LBH: variants seen among roughly 807,000 people sequenced by gnomAD.
LBH encodes LBH regulator of Wnt signaling pathway.
In LBH, 7 loss-of-function variants were observed where a neutral mutation model predicts 12.5. The ratio of observed to expected loss-of-function variants is 0.56; its 90% CI spans 0.32 to 1.05. The LOEUF (loss-of-function observed/expected upper bound fraction) is 1.05, where lower values mean the gene tolerates loss of function less well. Ranked by LOEUF, LBH falls within the 50% of genes least tolerant of loss-of-function variation. The probability of loss-of-function intolerance (pLI) is 0.04; values close to 1 mark genes in which losing one functional copy is unlikely to be tolerated. For missense variants in LBH, 119 were observed against 138.9 expected (o/e 0.86, Z 0.72); for synonymous variants, 51 against 50.1 (o/e 1.02, Z -0.08).
intron 2 of LBH, among the ~76,000 whole-genome samples, chr2:30,235,353 G>A (rs1219397622): frequency 2.6e-5 from 4 of 152,226 alleles, no homozygotes; most frequent in Non-Finnish European, 2.9e-5. Context: ...TGGAGCTAGG[G>A]AAGTTGTGTA....
chr2:30,253,253 C>T (rs963463627), intron 2 of LBH, among the ~76,000 whole-genome samples: 1 of 152,158 alleles, frequency 6.6e-6, no homozygotes, highest in Non-Finnish European at 1.5e-5. Context: ...TCCTTGGGGT[C>T]AGCCTCTGAA....
rs113721073 is a variant in LBH at position 30,257,790 on chromosome 2, C to CTTTT, written c.*179_*182dup. The stretch of plus-strand genomic sequence containing the variant: ...AGTTGGTTTTCTTTTCTTTTCTTGC[C>CTTTT]TTTTTTTTTTTTTGAAATTTGCCGA... On this transcript the variant is annotated 3_prime_UTR_variant, in exon 3 of 3. Coordinates refer to ENST00000395323, the MANE Select transcript of LBH (RefSeq NM_030915.4). The CTTTT allele has an allele frequency of 2.4e-3, 951 of 402,126 alleles. No individual in the cohort carries two copies. Among genetic ancestry groups the CTTTT allele is most frequent in the Middle Eastern group, 5.0e-3 (8 of 1,600 alleles). The allele number at this position is 402,126 out of a possible 1,614,324, so 24.9% of individuals were successfully genotyped here.
intron 2 of LBH, among the ~76,000 whole-genome samples, chr2:30,251,368 C>A (rs959492356): frequency 6.6e-6 from 1 of 152,128 alleles, no homozygotes; most frequent in Non-Finnish European, 1.5e-5. Flanking sequence ...ATCTTACAGA[C>A]CATCTCTTCC....
chr2:30,257,332 A>G (rs1356792896), intron 2 of LBH, 101 bp from the exon 3 acceptor site: 2 of 1,300,290 alleles, frequency 1.5e-6, no homozygotes, highest in Non-Finnish European at 2.2e-6. Context: ...TCCCTGGCCT[A>G]TGGCATGCAC....
intron 2 of LBH, among the ~76,000 whole-genome samples, chr2:30,243,044 A>AG (rs946033358): frequency 6.6e-6 from 1 of 152,260 alleles, no homozygotes; most frequent in Admixed American, 6.5e-5. Flanking sequence ...TAGAATCTCC[A>AG]GGGTAGAACA....
intron 2 of LBH, among the ~76,000 whole-genome samples, chr2:30,253,102 C>T (rs1039761025): frequency 6.6e-6 from 1 of 152,212 alleles, no homozygotes; most frequent in African/African-American, 2.4e-5. Context: ...CGCCTCAACC[C>T]CTACCTGTCA....
Position 30,257,807 on chromosome 2 carries a change from A to ATT in LBH, c.*188_*189dup, listed in dbSNP as rs1553335660. 2 of 404,520 alleles carry ATT rather than the reference A, an allele frequency of 4.9e-6. No individual in the cohort carries two copies. The highest frequency in any genetic ancestry group is 4.0e-5 in the African/African-American group (1 of 24,720). The allele number at this position is 404,520 out of a possible 1,614,324, so 25.1% of individuals were successfully genotyped here. Reference sequence around the variant, plus strand: ...TTTCTTGCCTTTTTTTTTTTTTGAAATTTGCCGAGCAGTGGAGCCCTCTGA... The same window carrying ATT: ...TTTCTTGCCTTTTTTTTTTTTTGAAATTTTTGCCGAGCAGTGGAGCCCTCTGA... On this transcript the variant is annotated 3_prime_UTR_variant, in exon 3 of 3. Coordinates refer to ENST00000395323, the MANE Select transcript of LBH (RefSeq NM_030915.4).
At chr2:30,239,656 TC>T (rs1313698029) in intron 2 of LBH, among the ~76,000 whole-genome samples, 4 of 150,428 alleles carry the variant, frequency 2.7e-5, no homozygotes, top group African/African-American at 7.3e-5. Flanking sequence ...CTATCCCTAC[TC>T]CCCCCACCCG....
chr2:30,251,200 A>C (rs897089213), intron 2 of LBH, among the ~76,000 whole-genome samples: 3 of 151,920 alleles, frequency 2.0e-5, no homozygotes, highest in Non-Finnish European at 2.9e-5. Flanking sequence ...GATTACAGGC[A>C]TGAGCCACCC....
chr2:30,246,225 TGGGATTATA>T (rs1386089093), intron 2 of LBH, among the ~76,000 whole-genome samples: 1 of 152,192 alleles, frequency 6.6e-6, no homozygotes, highest in Non-Finnish European at 1.5e-5. Flanking sequence ...CCTAAAGTGC[TGGGATTATA>T]GGCGTGAGCC....
intron 2 of LBH, among the ~76,000 whole-genome samples, chr2:30,255,357 A>G (rs11694534): frequency 0.22 from 32,962 of 152,016 alleles, 4,271 homozygotes; most frequent in Middle Eastern, 0.31. Context: ...TTCTGGGCCA[A>G]CCTGGTCAGG....
At chr2:30,256,350 T>G (rs1678084709) in intron 2 of LBH, among the ~76,000 whole-genome samples, 1 of 149,646 alleles carries the variant, frequency 6.7e-6, no homozygotes, top group Non-Finnish European at 1.5e-5. Context: ...CCAGGAACTG[T>G]TCACAGGTGA....
At chr2:30,234,154 A>T in intron 1 of LBH, 2 of 485,100 alleles carry the variant, frequency 4.1e-6, no homozygotes. Flanking sequence ...ACTAGAGTAC[A>T]GGAGAGGAGG....
At chr2:30,236,306 G>A (rs1677688510) in intron 2 of LBH, among the ~76,000 whole-genome samples, 1 of 152,184 alleles carries the variant, frequency 6.6e-6, no homozygotes, top group Non-Finnish European at 1.5e-5. Context: ...AGGAGCTGGG[G>A]GAGGAAGGCC....
chr2:30,235,691 A>T (rs1434671076), intron 2 of LBH, among the ~76,000 whole-genome samples: 7 of 40,702 alleles, frequency 1.7e-4, no homozygotes, highest in South Asian at 2.2e-3. Flanking sequence ...TTTGTAAATT[A>T]AAAAAAAAAA....
intron 2 of LBH, among the ~76,000 whole-genome samples, chr2:30,242,163 G>A (rs930897441): frequency 1.3e-5 from 2 of 151,990 alleles, no homozygotes; most frequent in African/African-American, 4.8e-5. Context: ...CATAGAGACT[G>A]TGGAATAGGA....
chr2:30,239,858 T>C (rs1263542499), intron 2 of LBH, among the ~76,000 whole-genome samples: 1 of 152,140 alleles, frequency 6.6e-6, no homozygotes, highest in Non-Finnish European at 1.5e-5. Flanking sequence ...GCACCTTCCC[T>C]CCTACACTAC....
In LBH at chr2:30,258,655, C is replaced by G. The variant is rs1678128307; in HGVS notation, c.*1034C>G. 2 of 152,522 alleles carry G rather than the reference C, an allele frequency of 1.3e-5. No individual in the cohort carries two copies. Among genetic ancestry groups the G allele is most frequent in the Admixed American group, 1.3e-4 (2 of 15,282 alleles). The allele number at this position is 152,522 out of a possible 1,614,324, so 9.4% of individuals were successfully genotyped here. On this transcript the variant is annotated 3_prime_UTR_variant, in exon 3 of 3. Transcript: ENST00000395323. ...CACCTATGGATTCCCGCCAGTCTGC[C>G]CAGCTGCAGTACTCACGCCCCATGG...
At chr2:30,238,885 C>CTTTT (rs367954684) in intron 2 of LBH, among the ~76,000 whole-genome samples, 36 of 98,042 alleles carry the variant, frequency 3.7e-4, no homozygotes, top group African/African-American at 1.1e-3. Flanking sequence ...CCTCCCCACT[C>CTTTT]TTTTTTTTTT....
Sources: allele counts gnomAD v4.1 joint callset (sites outside exome capture counted in the v4.1 genomes callset), GRCh38; gene constraint gnomAD v4.1.1; transcripts MANE v1.5; gene names NCBI Gene and HGNC (gene_info 2026-07-23, HGNC 2026-07-21).